SPATA6: variants seen among roughly 807,000 people sequenced by gnomAD.
SPATA6 encodes the protein spermatogenesis-associated protein 6.
Under a neutral mutation model 65.3 loss-of-function variants are expected in SPATA6, and 56 were observed. That is an observed-to-expected ratio of 0.86 (90% CI 0.69 to 1.07). The LOEUF (loss-of-function observed/expected upper bound fraction) is 1.07, where lower values mean the gene tolerates loss of function less well. SPATA6 is among the 50% of genes least tolerant of loss of function. SPATA6 has a pLI of 0.00. For missense variants in SPATA6, 590 were observed against 594.8 expected, an observed-to-expected ratio of 0.99 and a Z score of 0.08; for synonymous variants, 199 against 213.2, an observed-to-expected ratio of 0.93 and a Z score of 0.58.
At chr1:48,378,452 T>C (rs1648175472) in intron 9 of SPATA6, among the ~76,000 whole-genome samples, 1 of 152,160 alleles carries the variant, frequency 6.6e-6, no homozygotes, top group Non-Finnish European at 1.5e-5. Context: ...TATTAGTCTG[T>C]TTTCTCACTG....
intron 5 of SPATA6, among the ~76,000 whole-genome samples, chr1:48,409,652 C>A (rs1168620640): frequency 6.6e-6 from 1 of 152,242 alleles, no homozygotes; most frequent in East Asian, 1.9e-4. Flanking sequence ...TTCCACACAT[C>A]TTCTGAAATC....
chr1:48,418,755 GGGAA>G (rs1228808251), intron 3 of SPATA6, among the ~76,000 whole-genome samples: 6 of 111,524 alleles, frequency 5.4e-5, no homozygotes, highest in Non-Finnish European at 1.3e-4. Flanking sequence ...GAAGGAAGGA[GGGAA>G]GGAAGGAAGA....
chr1:48,435,070 G>A (rs1233809506), intron 3 of SPATA6, among the ~76,000 whole-genome samples: 1 of 151,872 alleles, frequency 6.6e-6, no homozygotes, highest in African/African-American at 2.4e-5. Flanking sequence ...GGTCCCTGGA[G>A]ATTCCTTAGA....
At chr1:48,322,470 AG>A (rs1288658912) in intron 11 of SPATA6, among the ~76,000 whole-genome samples, 2 of 152,214 alleles carry the variant, frequency 1.3e-5, no homozygotes, top group African/African-American at 2.4e-5. Context: ...AAAACCCTAG[AG>A]GAAAACCTCA....
chr1:48,263,679 CCATCCTTTGAACT>C, the SPATA6 span, among the ~76,000 whole-genome samples: 1 of 152,220 alleles, frequency 6.6e-6, no homozygotes, highest in Non-Finnish European at 1.5e-5. Flanking sequence ...TTAGTTCTCT[CCATCCTTTGAACT>C]CATACTACTC....
intron 1 of SPATA6, among the ~76,000 whole-genome samples, chr1:48,458,871 T>C (rs1348567096): frequency 1.3e-5 from 2 of 152,186 alleles, no homozygotes; most frequent in East Asian, 3.9e-4. Context: ...TTTGCACAAC[T>C]TTGTGAATAT....
intron 3 of SPATA6, among the ~76,000 whole-genome samples, chr1:48,443,088 G>A (rs933541827): frequency 6.6e-6 from 1 of 152,126 alleles, no homozygotes; most frequent in African/African-American, 2.4e-5. Context: ...TAGGAAAATC[G>A]CCTAACAATT....
chr1:48,328,969 C>T (rs539428641), intron 11 of SPATA6, among the ~76,000 whole-genome samples: 1 of 152,072 alleles, frequency 6.6e-6, no homozygotes, highest in Non-Finnish European at 1.5e-5. Context: ...CAGAATGCTT[C>T]CCTCTATATT....
At chr1:48,293,514 A>C (rs2148624841), downstream of SPATA6, among the ~76,000 whole-genome samples, 1 of 152,018 alleles carries the variant, frequency 6.6e-6, no homozygotes, top group East Asian at 1.9e-4. Context: ...AGGGTCTCCT[A>C]CTCTACCATC....
intron 11 of SPATA6, among the ~76,000 whole-genome samples, chr1:48,345,818 T>A (rs1646348391): frequency 6.6e-6 from 1 of 152,048 alleles, no homozygotes; most frequent in Admixed American, 6.6e-5. Flanking sequence ...AACAGACCAA[T>A]GACATGTTCT....
At chr1:48,344,428 C>T (rs887840475) in intron 11 of SPATA6, 1 of 152,096 alleles carries the variant, frequency 6.6e-6, no homozygotes, top group African/African-American at 2.4e-5. Context: ...TACAAAAACA[C>T]ACTGAATGAA....
chr1:48,327,923 T>C (rs993044616), intron 11 of SPATA6, among the ~76,000 whole-genome samples: 2 of 152,152 alleles, frequency 1.3e-5, no homozygotes, highest in African/African-American at 2.4e-5. Flanking sequence ...AATTTCCACA[T>C]TACACCATAT....
intron 3 of SPATA6, among the ~76,000 whole-genome samples, chr1:48,422,089 T>C (rs1178798270): frequency 2.0e-5 from 3 of 152,000 alleles, no homozygotes; most frequent in Admixed American, 6.6e-5. Flanking sequence ...ACAGGCATAA[T>C]GGGGGGAAAG....
chr1:48,285,903 C>G, the SPATA6 span, among the ~76,000 whole-genome samples: 1 of 152,158 alleles, frequency 6.6e-6, no homozygotes, highest in Non-Finnish European at 1.5e-5. Context: ...CCAGCCACCC[C>G]CCAACATCTT....
intron 1 of SPATA6, among the ~76,000 whole-genome samples, chr1:48,462,498 AG>A (rs1317659780): frequency 6.6e-6 from 1 of 152,226 alleles, no homozygotes; most frequent in Non-Finnish European, 1.5e-5. Context: ...AAATACATCA[AG>A]GATAAAGTGA....
At chr1:48,420,690 A>T (rs751456038) in intron 3 of SPATA6, among the ~76,000 whole-genome samples, 6 of 152,198 alleles carry the variant, frequency 3.9e-5, no homozygotes, top group Admixed American at 6.5e-5. Context: ...ACAACAAACT[A>T]ACCTAGTATA....
chr1:48,290,231 C>T, the SPATA6 span, among the ~76,000 whole-genome samples: 8 of 152,104 alleles, frequency 5.3e-5, no homozygotes, highest in South Asian at 2.1e-4. Flanking sequence ...AACCCAGAAT[C>T]TCATATCCAG....
intron 10 of SPATA6, among the ~76,000 whole-genome samples, chr1:48,356,805 A>G (rs529773794): frequency 6.6e-6 from 1 of 152,144 alleles, no homozygotes; most frequent in Admixed American, 6.6e-5. Context: ...TGTTCTTAAA[A>G]GCTACAATAT....
chr1:48,376,185 G>C (rs1647885979), intron 9 of SPATA6, among the ~76,000 whole-genome samples: 1 of 152,002 alleles, frequency 6.6e-6, no homozygotes, highest in Non-Finnish European at 1.5e-5. Context: ...CATCTGACCT[G>C]CTAGAAACAA....
Sources: gnomAD v4.1 joint callset for allele counts (sites outside exome capture counted in the v4.1 genomes callset) on GRCh38, gnomAD v4.1.1 for gene constraint, MANE v1.5 for transcripts, NCBI Gene and HGNC (gene_info 2026-07-23, HGNC 2026-07-21) for gene names.